The following SLC26A5 variants were observed in gnomAD, a reference collection of about 807,000 sequenced individuals.
SLC26A5 encodes the protein prestin.
Under a neutral mutation model 81.0 loss-of-function variants are expected in SLC26A5, and 51 were observed. The observed-to-expected ratio is 0.63, with a 90% CI of 0.50 to 0.80. SLC26A5 has a LOEUF of 0.80. Among genes scored for constraint, SLC26A5 ranks in the 30% least tolerant of loss-of-function variants. The probability of loss-of-function intolerance (pLI) is 0.00; values close to 1 mark genes in which losing one functional copy is unlikely to be tolerated. For synonymous variants in SLC26A5, 325 were observed against 332.8 expected (o/e 0.98, Z 0.25); for missense variants, 771 against 905.8 (o/e 0.85, Z 1.91).
intron 19 of SLC26A5, chr7:103,353,848 G>A (rs1819870095): frequency 7.8e-7 from 1 of 1,280,042 alleles, no homozygotes; most frequent in Non-Finnish European, 1.1e-6. Flanking sequence ...CAGAAAAAAA[G>A]CTCTAGTTTC....
At chr7:103,395,523 A>ATTT (rs377224135) in intron 9 of SLC26A5, among the ~76,000 whole-genome samples, 1 of 21,274 alleles carries the variant, frequency 4.7e-5, no homozygotes, top group Non-Finnish European at 1.0e-4. Flanking sequence ...ATATATATAA[A>ATTT]TTTTTTTTTT....
At chr7:103,433,587 T>C (rs1007727875) in intron 2 of SLC26A5, 1 of 152,224 alleles carries the variant, frequency 6.6e-6, no homozygotes, top group African/African-American at 2.4e-5. Flanking sequence ...TCTATAACTA[T>C]GTGAATATTG....
rs759179643 is a variant in SLC26A5 at position 103,410,378 on chromosome 7, T to TA, written c.735+6dup. The TA allele has an allele frequency of 2.9e-5, 46 of 1,612,516 alleles. No individual in the cohort carries two copies. In the African/African-American group the frequency reaches 5.7e-4, roughly 20 times the overall value. On this transcript the variant is annotated splice_region_variant and intron_variant, in intron 7 of 19. Coordinates refer to ENST00000306312, the MANE Select transcript of SLC26A5 (RefSeq NM_198999.3). ...AGTACCAGAACGTCAGGTAGTTTCT[T>TA]ACTTACATACACCACGGAAAAGATT...
chr7:103,403,773 G>T (rs1289804352), intron 8 of SLC26A5, among the ~76,000 whole-genome samples: 1 of 142,756 alleles, frequency 7.0e-6, no homozygotes, highest in African/African-American at 2.7e-5. Flanking sequence ...GTGTGTCTTT[G>T]TATATGAGAT....
downstream of SLC26A5, among the ~76,000 whole-genome samples, chr7:103,371,990 T>G (rs766367847): frequency 6.6e-6 from 1 of 152,214 alleles, no homozygotes; most frequent in African/African-American, 2.4e-5. Flanking sequence ...CCACCGCACC[T>G]GGCCGAAGTA....
At chr7:103,426,136 T>C (rs1284522637) in intron 2 of SLC26A5, among the ~76,000 whole-genome samples, 1 of 152,214 alleles carries the variant, frequency 6.6e-6, no homozygotes, top group Non-Finnish European at 1.5e-5. Context: ...TAGCTTAGGT[T>C]TCTCAAGCAA....
At chr7:103,399,934 T>C (rs1586282359) in intron 8 of SLC26A5, among the ~76,000 whole-genome samples, 1 of 152,288 alleles carries the variant, frequency 6.6e-6, no homozygotes, top group East Asian at 1.9e-4. Flanking sequence ...TATTCCATGG[T>C]GTATATGTGC....
At position 103,392,085 on chromosome 7, in the gene SLC26A5, G is replaced by C. The variant is rs528053655; in HGVS notation, c.1120-350C>G. Among the ~76,000 whole-genome samples, 6 of 152,236 alleles carry C rather than the reference G, an allele frequency of 3.9e-5. No individual in the cohort carries two copies. The South Asian group carries it at 1.2e-3, about 32-fold the overall frequency. On this transcript the variant is annotated intron_variant, in intron 10 of 19. Transcript: ENST00000306312. ...AAAGTTATTGTTGTATAGGACTCTT[G>C]GCATCTTTTTAATGCCTGGGCTATT...
chr7:103,379,135 A>G lies in SLC26A5; in HGVS notation c.1677+108T>C. On this transcript the variant is annotated intron_variant, in intron 16 of 19. Transcript: ENST00000306312. ...TATTTTACTACAATAAAAGAGAGAG[A>G]AACAAAGCGAGAATGAAATAGTATA... The G allele has an allele frequency of 6.2e-6, 5 of 803,326 alleles. No homozygotes were observed. In the South Asian group the frequency reaches 7.3e-5, roughly 12 times the overall value. 49.8% of individuals were successfully genotyped at this position (803,326 alleles called of 1,614,324 possible). A position where few individuals can be genotyped will look rare whatever the true frequency, so the allele number is the denominator to read the frequency against.
intron 19 of SLC26A5, chr7:103,363,578 T>A: frequency 1.4e-6 from 1 of 719,058 alleles, no homozygotes; most frequent in Non-Finnish European, 2.4e-6. Context: ...AGAGAGGAGG[T>A]GTGGAGAGTT....
At chr7:103,410,118 G>T (rs977730726) in intron 7 of SLC26A5, among the ~76,000 whole-genome samples, 2 of 152,172 alleles carry the variant, frequency 1.3e-5, no homozygotes, top group Admixed American at 6.5e-5. Flanking sequence ...TCTTTACCTA[G>T]AGTGATGGTG....
At chr7:103,418,876 A>T (rs746983403) in intron 4 of SLC26A5, among the ~76,000 whole-genome samples, 23 of 151,904 alleles carry the variant, frequency 1.5e-4, no homozygotes, top group Non-Finnish European at 3.4e-4. Flanking sequence ...GTCTTCAGTG[A>T]CCTCTTACAA....
intron 2 of SLC26A5, among the ~76,000 whole-genome samples, chr7:103,430,921 G>A (rs933016244): frequency 1.4e-4 from 22 of 152,086 alleles, no homozygotes; most frequent in African/African-American, 5.1e-4. Flanking sequence ...ACTCTACCAC[G>A]GATAAATTAT....
intron 6 of SLC26A5, 87 bp downstream of exon 6, chr7:103,411,333 C>T (rs530535970): frequency 2.4e-5 from 36 of 1,517,528 alleles, no homozygotes; most frequent in East Asian, 2.0e-4. Flanking sequence ...CCCCATCCAC[C>T]GTGTAGTAAG....
intron 19 of SLC26A5, among the ~76,000 whole-genome samples, chr7:103,353,393 G>A (rs1048777858): frequency 6.6e-6 from 1 of 152,088 alleles, no homozygotes; most frequent in African/African-American, 2.4e-5. Context: ...TGCAACCTCC[G>A]CCTCCTGGGT....
chr7:103,405,608 GA>G (rs1427439232), intron 8 of SLC26A5, among the ~76,000 whole-genome samples: 2 of 152,208 alleles, frequency 1.3e-5, no homozygotes, highest in African/African-American at 4.8e-5. Context: ...TCCCCTGGAT[GA>G]GGTGTCTTTG....
At chr7:103,381,465 G>A (rs1821782087) in intron 14 of SLC26A5, among the ~76,000 whole-genome samples, 1 of 146,124 alleles carries the variant, frequency 6.8e-6, no homozygotes, top group African/African-American at 2.5e-5. Context: ...CACATACCAT[G>A]CATACACACC....
intron 3 of SLC26A5, 100 bp from the exon 4 acceptor site, chr7:103,420,977 C>A: frequency 7.4e-7 from 1 of 1,358,628 alleles, no homozygotes; most frequent in Non-Finnish European, 1.0e-6. Flanking sequence ...CAGGAGCAAT[C>A]TGGAAAAATT....
chr7:103,426,557 G>C (rs1194014642), intron 2 of SLC26A5, among the ~76,000 whole-genome samples: 6 of 152,174 alleles, frequency 3.9e-5, no homozygotes, highest in African/African-American at 1.4e-4. Context: ...ACAGAGAGGA[G>C]ACGATTCTCA....
Sources: gnomAD v4.1 joint callset for allele counts (sites outside exome capture counted in the v4.1 genomes callset) on GRCh38, gnomAD v4.1.1 for gene constraint, MANE v1.5 for transcripts, NCBI Gene and HGNC (gene_info 2026-07-23, HGNC 2026-07-21) for gene names.